Variants in CCDC186 observed in about 807,000 individuals in gnomAD.
CCDC186 encodes the protein coiled-coil domain containing 186, also known as coiled-coil domain-containing protein 186.
In CCDC186, 49 loss-of-function variants were observed where a neutral mutation model predicts 113.7. That is an observed-to-expected ratio of 0.43 (90% CI 0.34 to 0.55). CCDC186 has a LOEUF of 0.55. Ranked by LOEUF, CCDC186 falls within the 20% of genes least tolerant of loss-of-function variation. The pLI, the probability that CCDC186 is intolerant of heterozygous loss-of-function variation, is 0.02. For synonymous variants in CCDC186, 355 were observed against 345.8 expected (o/e 1.03, Z -0.30); for missense variants, 890 against 1,011.1 (o/e 0.88, Z 1.62).
Position 114,150,131 on chromosome 10 carries a change from G to A in CCDC186, c.888+961C>T, listed in dbSNP as rs548080640. Among the ~76,000 whole-genome samples, 9 of 152,306 alleles carry A rather than the reference G, an allele frequency of 5.9e-5. No homozygotes were observed. The South Asian group carries it at 1.2e-3, about 21-fold the overall frequency. On this transcript the variant is annotated intron_variant, in intron 4 of 15. Transcript: ENST00000369287. ...TGCCATCTACAGTAGCAGCTTCGGG[G>A]TAGAAAGGGTGGGATCCATCACATT... is the stretch of plus-strand genomic sequence containing the variant.
intron 3 of CCDC186, among the ~76,000 whole-genome samples, chr10:114,156,543 C>G (rs1165353901): frequency 1.3e-5 from 2 of 152,078 alleles, no homozygotes; most frequent in Non-Finnish European, 2.9e-5. Flanking sequence ...CTAGCCAACA[C>G]GGTGAAACCC....
chr10:114,131,222 ATTC>A lies in CCDC186; in HGVS notation c.2023_2025del (p.Glu675del). ...CTCTGAGTTACTAACTCATCTTTTAATTCTTCTACCTGGGTACTCAATGCTTTA... is the reference window on the plus strand; with the variant it reads ...CTCTGAGTTACTAACTCATCTTTTAATTCTACCTGGGTACTCAATGCTTTA... On this transcript the variant is annotated inframe_deletion, in exon 12 of 16. Coordinates refer to ENST00000369287, the MANE Select transcript of CCDC186 (RefSeq NM_018017.4). 6.2e-7 allele frequency: 1 copy of A among 1,600,148 alleles called. No homozygotes were observed. Among genetic ancestry groups the A allele is most frequent in the African/African-American group, 1.3e-5 (1 of 74,304 alleles).
At chr10:114,136,071 A>G (rs1428326449) in intron 8 of CCDC186, 77 bp downstream of exon 8, 2 of 1,500,088 alleles carry the variant, frequency 1.3e-6, no homozygotes, top group African/African-American at 1.4e-5. Flanking sequence ...TTAAAAGTAG[A>G]TAGCAATAAG....
chr10:114,126,114 CA>C lies in CCDC186; in HGVS notation c.2394-10del. 1.2e-5 allele frequency: 19 copies of C among 1,607,636 alleles called. No homozygotes were observed. The highest frequency in any genetic ancestry group is 1.6e-5 in the Non-Finnish European group (19 of 1,174,838). Reference sequence around the variant, plus strand: ...TATAACTTTGAATTATTCTGCAAAACAAAATGATAGTATCAGTTGTGTACTT... The same window carrying C: ...TATAACTTTGAATTATTCTGCAAAACAAATGATAGTATCAGTTGTGTACTT... On this transcript the variant is annotated splice_polypyrimidine_tract_variant and intron_variant, in intron 14 of 15. Coordinates refer to ENST00000369287, the MANE Select transcript of CCDC186 (RefSeq NM_018017.4).
intron 3 of CCDC186, among the ~76,000 whole-genome samples, chr10:114,155,618 T>G (rs1228725399): frequency 6.6e-6 from 1 of 152,032 alleles, no homozygotes; most frequent in African/African-American, 2.4e-5. Flanking sequence ...GTGGTTGCTA[T>G]GAGCCGAGAT....
intron 3 of CCDC186, among the ~76,000 whole-genome samples, chr10:114,152,308 C>A (rs900934921): frequency 6.7e-6 from 1 of 149,740 alleles, no homozygotes; most frequent in African/African-American, 2.5e-5. Flanking sequence ...CACCATGGTA[C>A]GCCAGCCAGA....
chr10:114,129,770 T>A (rs534446698), intron 13 of CCDC186, 121 bp downstream of exon 13: 29 of 730,442 alleles, frequency 4.0e-5, no homozygotes, highest in Non-Finnish European at 6.3e-5. Context: ...CCTCAGGTGA[T>A]CCACTCATCT....
chr10:114,170,582 C>G (rs1002794202), intron 1 of CCDC186, among the ~76,000 whole-genome samples: 4 of 152,114 alleles, frequency 2.6e-5, no homozygotes, highest in African/African-American at 9.7e-5. Flanking sequence ...CTCAACCCCC[C>G]AAAAGTGCTG....
intron 3 of CCDC186, among the ~76,000 whole-genome samples, chr10:114,153,715 G>C (rs941516418): frequency 6.6e-6 from 1 of 151,412 alleles, no homozygotes; most frequent in African/African-American, 2.4e-5. Context: ...GAACTCAGGA[G>C]GTGGAAGTTG....
chr10:114,131,077 C>A, intron 12 of CCDC186, 70 bp downstream of exon 12: 1 of 1,276,292 alleles, frequency 7.8e-7, no homozygotes, highest in Non-Finnish European at 1.0e-6. Flanking sequence ...GGCAGAATCA[C>A]AAAAAATAAA....
chr10:114,170,282 T>G (rs1371489027), intron 1 of CCDC186, among the ~76,000 whole-genome samples: 1 of 152,198 alleles, frequency 6.6e-6, no homozygotes, highest in Non-Finnish European at 1.5e-5. Flanking sequence ...AAATAATTTT[T>G]AAAGTAGTCA....
At chr10:114,167,457 T>A (rs2032368496) in intron 1 of CCDC186, among the ~76,000 whole-genome samples, 2 of 152,094 alleles carry the variant, frequency 1.3e-5, no homozygotes, top group South Asian at 2.1e-4. Flanking sequence ...TGTCCACAAT[T>A]AACCAGAAGA....
At chr10:114,157,286 TGATC>T (rs1181701031) in intron 3 of CCDC186, among the ~76,000 whole-genome samples, 1 of 150,746 alleles carries the variant, frequency 6.6e-6, no homozygotes, top group East Asian at 2.0e-4. Context: ...CCGGCTCCAG[TGATC>T]CACCCACCTC....
At chr10:114,144,128 T>A (rs2031560516) in intron 6 of CCDC186, among the ~76,000 whole-genome samples, 1 of 152,002 alleles carries the variant, frequency 6.6e-6, no homozygotes, top group Admixed American at 6.6e-5. Context: ...ACATTCAAAT[T>A]TGGAAACTTA....
chr10:114,164,951 A>T (rs2032293318), intron 1 of CCDC186, among the ~76,000 whole-genome samples: 1 of 152,234 alleles, frequency 6.6e-6, no homozygotes, highest in East Asian at 1.9e-4. Flanking sequence ...AGTTTCTAGC[A>T]CATAGTGGGT....
chr10:114,157,517 T>C (rs759417464), intron 3 of CCDC186, 37 bp downstream of exon 3: 5 of 1,549,558 alleles, frequency 3.2e-6, no homozygotes, highest in African/African-American at 1.4e-5. Context: ...ATTTTATTAA[T>C]TGAAGTATAG....
chr10:114,133,626 T>C (rs1030460962), intron 10 of CCDC186, among the ~76,000 whole-genome samples: 1 of 152,092 alleles, frequency 6.6e-6, no homozygotes, highest in Admixed American at 6.5e-5. Flanking sequence ...CAGCATGTGA[T>C]GGAAATGAAG....
Position 114,125,742 on chromosome 10 carries a change from A to G in CCDC186, c.2613+144T>C, listed in dbSNP as rs2030878914. Reference sequence around the variant, plus strand: ...ATATAAAAAACTATACTTTTTAAAAAGAGAAAATCACGAAACTTCATCTTT... The same window carrying G: ...ATATAAAAAACTATACTTTTTAAAAGGAGAAAATCACGAAACTTCATCTTT... On this transcript the variant is annotated intron_variant, in intron 15 of 15. Coordinates refer to ENST00000369287, the MANE Select transcript of CCDC186 (RefSeq NM_018017.4). The G allele has an allele frequency of 3.5e-5, 22 of 635,198 alleles. No individual in the cohort carries two copies. In the East Asian group the frequency reaches 6.1e-4, roughly 18 times the overall value. 39.3% of individuals were successfully genotyped at this position (635,198 alleles called of 1,614,324 possible). A position where few individuals can be genotyped will look rare whatever the true frequency, so the allele number is the denominator to read the frequency against.
At chr10:114,173,434 C>T (rs1013820822) in intron 1 of CCDC186, among the ~76,000 whole-genome samples, 1 of 152,158 alleles carries the variant, frequency 6.6e-6, no homozygotes, top group South Asian at 2.1e-4. Context: ...ATCTGAAACC[C>T]CTTCCTTACC....
Sources: allele counts gnomAD v4.1 joint callset (sites outside exome capture counted in the v4.1 genomes callset), GRCh38; gene constraint gnomAD v4.1.1; transcripts MANE v1.5; gene names NCBI Gene and HGNC (gene_info 2026-07-23, HGNC 2026-07-21).